The following NBPF14 variants were observed in gnomAD, a reference collection of about 807,000 sequenced individuals.
NBPF14 encodes the protein NBPF family member NBPF14.
A neutral mutation model predicts 91.2 loss-of-function variants in NBPF14; 104 were observed. The ratio of observed to expected loss-of-function variants is 1.14; its 90% CI spans 0.97 to 1.34. The LOEUF (loss-of-function observed/expected upper bound fraction) is 1.34. Among genes scored for constraint, NBPF14 ranks in the 40% most tolerant of loss-of-function variants. The pLI is 0.00. For synonymous variants in NBPF14, 294 were observed against 303.8 expected (o/e 0.97, Z 0.34); for missense variants, 908 against 783.0 (o/e 1.16, Z -1.91).
At chr1:148,566,590 C>A (rs1407399688) in intron 28 of NBPF14, among the ~76,000 whole-genome samples, 8 of 142,592 alleles carry the variant, frequency 5.6e-5, no homozygotes, top group Non-Finnish European at 1.1e-4. Context: ...GTCCAGGTGA[C>A]ACACTGATGA....
exon 69 of NBPF14, chr1:148,534,796 T>G (rs1654725425): frequency 1.1e-6 from 1 of 926,328 alleles, no homozygotes; most frequent in African/African-American, 1.9e-5. Context: ...TCGAATAACA[T>G]CTATCCAGTG....
intron 29 of NBPF14, among the ~76,000 whole-genome samples, chr1:148,565,802 A>G (rs1658159681): frequency 6.7e-5 from 1 of 14,862 alleles, no homozygotes; most frequent in Non-Finnish European, 1.3e-4. Flanking sequence ...GGTTGTGAGG[A>G]CATTAGACAC....
intron 7 of NBPF14, 54 bp from the exon 8 acceptor site, chr1:148,587,457 G>A: frequency 6.6e-7 from 1 of 1,513,870 alleles, no homozygotes; most frequent in South Asian, 1.1e-5. Context: ...TGCTGCTGTG[G>A]TCATTGCCTA....
chr1:148,578,858 C>T (rs1220112641), intron 13 of NBPF14, among the ~76,000 whole-genome samples: 3 of 149,106 alleles, frequency 2.0e-5, no homozygotes, highest in Admixed American at 6.7e-5. Context: ...TTGGCATGGG[C>T]ATGGCCTGAG....
chr1:148,572,688 G>A, intron 20 of NBPF14, 73 bp from the exon 21 acceptor site: 3 of 684,028 alleles, frequency 4.4e-6, no homozygotes, highest in Non-Finnish European at 7.8e-6. Flanking sequence ...TAGATTTCAT[G>A]GCTAACGTAA....
At chr1:148,551,807 T>C (rs1656253929) in intron 47 of NBPF14, among the ~76,000 whole-genome samples, 169 bp downstream of exon 47, 1 of 13,570 alleles carries the variant, frequency 7.4e-5, no homozygotes, top group South Asian at 5.1e-3. Context: ...ACCCATCCCT[T>C]GTCTGGGCTT....
intron 12 of NBPF14, among the ~76,000 whole-genome samples, chr1:148,581,459 T>C (rs2149552423): frequency 6.6e-6 from 1 of 151,048 alleles, no homozygotes; most frequent in South Asian, 2.1e-4. Flanking sequence ...GTTGAACTAG[T>C]TTACAGTCCC....
At chr1:148,573,325 C>T in exon 20 of NBPF14, 4 of 6,872 alleles carry the variant, frequency 5.8e-4, no homozygotes, top group Non-Finnish European at 1.1e-3. Context: ...TCCCCTTCCC[C>T]TTCTTTTCAA....
intron 69 of NBPF14, among the ~76,000 whole-genome samples, 155 bp downstream of exon 69, chr1:148,534,529 C>G (rs1331919526): frequency 6.6e-6 from 1 of 151,762 alleles, no homozygotes; most frequent in Non-Finnish European, 1.5e-5. Context: ...AGGCTTCCAG[C>G]TGAGACTACA....
exon 14 of NBPF14, chr1:148,577,986 G>C (rs1660262176): frequency 1.6e-6 from 1 of 619,128 alleles, no homozygotes; most frequent in Non-Finnish European, 2.8e-6. Context: ...GACTCACCTG[G>C]GACCTGTTGC....
At chr1:148,586,893 GA>G (rs1180006017) in intron 8 of NBPF14, among the ~76,000 whole-genome samples, 1 of 142,574 alleles carries the variant, frequency 7.0e-6, no homozygotes, top group African/African-American at 2.5e-5. Flanking sequence ...AAGAAGAAAA[GA>G]ATGACAGGGT....
chr1:148,577,445 G>A (rs1660032805), intron 14 of NBPF14, 90 bp from the exon 15 acceptor site: 1 of 667,590 alleles, frequency 1.5e-6, no homozygotes, highest in Non-Finnish European at 2.7e-6. Flanking sequence ...GTAAGGAAGA[G>A]TTTGAAAAGA....
intron 28 of NBPF14, 73 bp from the exon 29 acceptor site, chr1:148,566,388 G>T (rs1658283191): frequency 2.8e-6 from 2 of 702,724 alleles, no homozygotes; most frequent in Non-Finnish European, 2.6e-6. Flanking sequence ...TAGGTTTCAT[G>T]GGTAGCATAG....
chr1:148,559,816 A>T, exon 37 of NBPF14: 2 of 1,534,254 alleles, frequency 1.3e-6, no homozygotes, highest in Non-Finnish European at 1.7e-6. Flanking sequence ...AGCCAAGCCA[A>T]CACGCTGCTG....
rs1418555866 is a variant in NBPF14, at chr1:148,575,868, C to T, written c.2079-57G>A. On this transcript the variant is annotated intron_variant, in intron 16 of 70. Transcript: ENST00000619423. The stretch of plus-strand genomic sequence containing the variant: ...CAGGGGGAATCAGAAACCACACAGC[C>T]CCAGCTAGATTTCATGGCTAACATA... 59 of 287,816 alleles carry T rather than the reference C, an allele frequency of 2.0e-4. No individual in the cohort carries two copies. In the East Asian group the frequency reaches 3.5e-3, roughly 17 times the overall value. The allele number at this position is 287,816 out of a possible 1,614,324, so 17.8% of individuals were successfully genotyped here. A position where few individuals can be genotyped will look rare whatever the true frequency, so the allele number is the denominator to read the frequency against.
Position 148,559,890 on chromosome 1 carries a change from A to G in NBPF14, c.4632T>C (p.Pro1544=). ...AGTCAGTCAGTTCAAGACAACCTGA[A>G]GGAGTTGAATAACATCTATCCAGTG... The change falls in exon 37 of 71, where the codon CCT becomes CCC. Residue 1544 remains proline, a synonymous_variant. Transcript: ENST00000619423. 4 of 1,299,062 alleles carry G rather than the reference A, an allele frequency of 3.1e-6. 1 individual carries two copies. Among genetic ancestry groups the G allele is most frequent in the South Asian group, 1.3e-5 (1 of 77,314 alleles). The allele number at this position is 1,299,062 out of a possible 1,614,324, so 80.5% of individuals were successfully genotyped here.
chr1:148,559,275 C>G (rs1277272763), intron 37 of NBPF14, among the ~76,000 whole-genome samples: 7 of 112,390 alleles, frequency 6.2e-5, no homozygotes, highest in South Asian at 7.0e-4. Context: ...GGGTAAAATT[C>G]CCTATTCTGG....
Position 148,592,753 on chromosome 1 carries a change from G to A in NBPF14, c.292C>T (p.Leu98=), listed in dbSNP as rs1411601501. 12 of 1,584,020 alleles carry A rather than the reference G, an allele frequency of 7.6e-6. No individual in the cohort carries two copies. The Admixed American group carries it at 1.0e-4, about 13-fold the overall frequency. Residue 98 remains leucine, a synonymous_variant, in exon 4 of 71, where the codon CTG becomes TTG. Coordinates refer to ENST00000619423, the Ensembl canonical transcript of NBPF14. ...AGCTCTCGTTCCTGAGAGTGAACCA[G>A]GACTTTATATTGCCTAAGGTGAGAC... is the stretch of plus-strand genomic sequence containing the variant.
chr1:148,577,553 C>CACAA lies in NBPF14; in HGVS notation c.1854-199_1854-198insTTGT, dbSNP rs1660082265. ...AGGATGAACGAGAAAGACACACACA[C>CACAA]ACACACACACACACACACACACACT... On this transcript the variant is annotated intron_variant, in intron 14 of 70. Transcript: ENST00000619423. 2.7e-5 allele frequency among the ~76,000 whole-genome samples: 4 copies of CACAA among 149,738 alleles called. No homozygotes were observed. The South Asian group carries it at 8.4e-4, about 31-fold the overall frequency.
Sources: allele counts gnomAD v4.1 joint callset (sites outside exome capture counted in the v4.1 genomes callset), GRCh38; gene constraint gnomAD v4.1.1; transcripts MANE v1.5; gene names NCBI Gene and HGNC (gene_info 2026-07-23, HGNC 2026-07-21).